The following FBXO3 variants were observed in gnomAD, a reference collection of about 807,000 sequenced individuals.
FBXO3 encodes the protein F-box only protein 3.
In FBXO3, 17 loss-of-function variants were observed where a neutral mutation model predicts 64.8. That is an observed-to-expected ratio of 0.26 (90% CI 0.18 to 0.39). The LOEUF is 0.39. Ranked by LOEUF, FBXO3 falls within the 10% of genes least tolerant of loss-of-function variation. The pLI is 1.00. For missense variants in FBXO3, 420 were observed against 589.9 expected, an observed-to-expected ratio of 0.71 and a Z score of 2.98; for synonymous variants, 182 against 201.6, an observed-to-expected ratio of 0.90 and a Z score of 0.82.
intron 6 of FBXO3, among the ~76,000 whole-genome samples, chr11:33,752,822 T>A (rs1197469336): frequency 6.6e-6 from 1 of 152,146 alleles, no homozygotes; most frequent in Non-Finnish European, 1.5e-5. Flanking sequence ...ATATGTATAT[T>A]TTGTGGAAAA....
At chr11:33,771,858 C>A (rs1221389420) in intron 1 of FBXO3, 1 of 152,218 alleles carries the variant, frequency 6.6e-6, no homozygotes, top group Non-Finnish European at 1.5e-5. Flanking sequence ...TGTCCCTCCA[C>A]TGCCCTAGGA....
chr11:33,769,424 G>C (rs1426990358), intron 2 of FBXO3, among the ~76,000 whole-genome samples: 2 of 152,066 alleles, frequency 1.3e-5, no homozygotes, highest in Non-Finnish European at 2.9e-5. Flanking sequence ...CACTGAATTA[G>C]TTGAGAATCA....
In FBXO3 at chr11:33,741,086, A is replaced by G. The variant is rs890911405; in HGVS notation, c.*822T>C. The G allele has an allele frequency of 2.0e-5, 3 of 152,672 alleles. No homozygotes were observed. Among genetic ancestry groups the G allele is most frequent in the African/African-American group, 7.2e-5 (3 of 41,464 alleles). 9.5% of individuals were successfully genotyped at this position (152,672 alleles called of 1,614,324 possible). A position where few individuals can be genotyped will look rare whatever the true frequency, so the allele number is the denominator to read the frequency against. On this transcript the variant is annotated 3_prime_UTR_variant, in exon 11 of 11. Transcript: ENST00000265651. ...TAACATAAAATTCATGTCACTTATC[A>G]CAAAGACAGTCAAGTGTATAAAGGA...
intron 1 of FBXO3, chr11:33,773,840 A>G (rs1855569859): frequency 6.5e-6 from 1 of 153,402 alleles, no homozygotes; most frequent in African/African-American, 2.4e-5. Flanking sequence ...CAGCAAAACA[A>G]TTCTCACGCA....
At position 33,768,979 on chromosome 11, in the gene FBXO3, G is replaced by T; in HGVS notation, c.230C>A (p.Ser77Tyr). ...ATCAGAGTAAGTATCTATGAAGAGA[G>T]ATTTCCAACACTGATTCTTCTGTGT... ...EKTQKNQCWK[S>Y]LFIDTYSDVG... The change falls in exon 3 of 11, where the codon TCT becomes TAT. Residue 77 changes from serine (S) to tyrosine (Y), a missense_variant. This residue lies in a region of FBXO3 where 337 missense variants were observed against 518.4 expected (regional missense o/e 0.65). Transcript: ENST00000265651. 1 of 1,613,084 alleles carries T rather than the reference G, an allele frequency of 6.2e-7. No homozygotes were observed. Among genetic ancestry groups the T allele is most frequent in the Non-Finnish European group, 8.5e-7 (1 of 1,179,542 alleles).
intron 3 of FBXO3, among the ~76,000 whole-genome samples, chr11:33,759,084 A>G (rs142042500): frequency 0.011 from 1,637 of 152,334 alleles, 26 homozygotes; most frequent in African/African-American, 0.038. Context: ...TAAACTTGCC[A>G]CATATTCTAG....
chr11:33,763,396 A>T, intron 3 of FBXO3: 1 of 269,444 alleles, frequency 3.7e-6, no homozygotes, highest in Admixed American at 4.2e-5. Context: ...TATAAAAAAG[A>T]TAATATATTA....
At chr11:33,768,222 T>C (rs535384576) in intron 3 of FBXO3, among the ~76,000 whole-genome samples, 2 of 152,352 alleles carry the variant, frequency 1.3e-5, no homozygotes, top group African/African-American at 4.8e-5. Flanking sequence ...ATTTTCATGA[T>C]CATTAATTAA....
At chr11:33,762,620 A>G (rs1855269815) in intron 3 of FBXO3, among the ~76,000 whole-genome samples, 1 of 152,064 alleles carries the variant, frequency 6.6e-6, no homozygotes, top group East Asian at 1.9e-4. Flanking sequence ...ATGTATTAAA[A>G]CTTATGGGAC....
chr11:33,764,764 A>T (rs1855326211), intron 3 of FBXO3, among the ~76,000 whole-genome samples: 1 of 152,180 alleles, frequency 6.6e-6, no homozygotes, highest in Non-Finnish European at 1.5e-5. Flanking sequence ...ACTTGTGGTC[A>T]AGAGTTCAAG....
intron 1 of FBXO3, chr11:33,774,137 T>C: frequency 2.4e-6 from 1 of 415,712 alleles, no homozygotes; most frequent in Non-Finnish European, 4.4e-6. Flanking sequence ...CAAGTGGGCC[T>C]CACCGAGGCC....
At chr11:33,762,010 T>C (rs949978769) in intron 3 of FBXO3, among the ~76,000 whole-genome samples, 2 of 152,240 alleles carry the variant, frequency 1.3e-5, no homozygotes. Flanking sequence ...TAACTCAAAT[T>C]CAACTAATTT....
intron 3 of FBXO3, among the ~76,000 whole-genome samples, chr11:33,764,458 T>C (rs1360152120): frequency 2.0e-5 from 3 of 152,128 alleles, no homozygotes; most frequent in African/African-American, 7.2e-5. Flanking sequence ...TTACAATTTG[T>C]GCCTATTTCT....
At chr11:33,747,478 TGATAG>T (rs1045311111) in intron 9 of FBXO3, among the ~76,000 whole-genome samples, 158 bp from the exon 10 acceptor site, 9 of 151,746 alleles carry the variant, frequency 5.9e-5, no homozygotes, top group Admixed American at 4.6e-4. Context: ...ATGTTAACAG[TGATAG>T]GACAATGAGT....
intron 5 of FBXO3, 113 bp from the exon 6 acceptor site, chr11:33,754,613 G>T: frequency 1.2e-6 from 1 of 820,554 alleles, no homozygotes; most frequent in Non-Finnish European, 1.9e-6. Context: ...ATAAAGTTGA[G>T]ATAAGAAGAT....
At chr11:33,758,984 T>C (rs1339030692) in intron 3 of FBXO3, among the ~76,000 whole-genome samples, 1 of 152,106 alleles carries the variant, frequency 6.6e-6, no homozygotes, top group African/African-American at 2.4e-5. Context: ...TTTAAGAGTT[T>C]TAACATTGAC....
At chr11:33,750,750 T>A in intron 7 of FBXO3, 89 bp from the exon 8 acceptor site, 1 of 1,239,160 alleles carries the variant, frequency 8.1e-7, no homozygotes, top group Non-Finnish European at 1.1e-6. Context: ...GGACAAAAAA[T>A]TTAAATCATA....
intron 1 of FBXO3, 85 bp downstream of exon 1, chr11:33,774,309 G>A (rs1414536103): frequency 2.5e-6 from 3 of 1,192,086 alleles, no homozygotes; most frequent in African/African-American, 3.1e-5. Flanking sequence ...CTCGGGTCCT[G>A]TCAGCGGCCC....
At chr11:33,774,327 CT>C in intron 1 of FBXO3, 66 bp downstream of exon 1, 1 of 1,372,642 alleles carries the variant, frequency 7.3e-7, no homozygotes, top group Non-Finnish European at 1.0e-6. Flanking sequence ...CCCCGACCCC[CT>C]TTCCCCCTGC....
Sources: gnomAD v4.1 joint callset for allele counts (sites outside exome capture counted in the v4.1 genomes callset) on GRCh38, gnomAD v4.1.1 for gene constraint, gnomAD v4.1.1 regional missense constraint, MANE v1.5 for transcripts, NCBI Gene and HGNC (gene_info 2026-07-23, HGNC 2026-07-21) for gene names.